Variants in TENM2 observed in about 807,000 individuals in gnomAD.
The protein encoded by TENM2 is teneurin transmembrane protein 2, also known as teneurin-2.
In TENM2, 52 loss-of-function variants were observed where a neutral mutation model predicts 245.2. The observed-to-expected ratio is 0.21, with a 90% CI of 0.17 to 0.27. TENM2 has a LOEUF of 0.27. TENM2 is among the 10% of genes least tolerant of loss of function. TENM2 has a pLI of 1.00. For missense variants in TENM2, 3,046 were observed against 3,666.8 expected (o/e 0.83, Z 4.37); for synonymous variants, 1,363 against 1,438.9 (o/e 0.95, Z 1.19).
chr5:167,503,410 G>A (rs185236214), intron 2 of TENM2, among the ~76,000 whole-genome samples: 20 of 152,170 alleles, frequency 1.3e-4, no homozygotes, highest in Non-Finnish European at 2.1e-4. Flanking sequence ...GTACGGGAGA[G>A]TGCAGAGAAA....
intron 2 of TENM2, among the ~76,000 whole-genome samples, chr5:167,513,574 T>G (rs1172292579): frequency 6.6e-6 from 1 of 152,180 alleles, no homozygotes; most frequent in East Asian, 1.9e-4. Context: ...GTCTTTGGTA[T>G]ACATGCCATT....
intron 2 of TENM2, among the ~76,000 whole-genome samples, chr5:167,376,191 A>G (rs193007353): frequency 1.3e-5 from 2 of 152,306 alleles, no homozygotes; most frequent in Admixed American, 1.3e-4. Context: ...GTCATTAAAG[A>G]GATAAGGTGC....
chr5:167,426,546 C>CAAAAAAAAA (rs59491444), intron 2 of TENM2, among the ~76,000 whole-genome samples: 2 of 102,254 alleles, frequency 2.0e-5, no homozygotes, highest in African/African-American at 3.4e-5. Context: ...CTTGCCTTTA[C>CAAAAAAAAA]AAAAAAAAAA....
intron 3 of TENM2, among the ~76,000 whole-genome samples, chr5:167,950,896 G>A (rs190890902): frequency 3.9e-5 from 6 of 152,290 alleles, no homozygotes; most frequent in Admixed American, 3.3e-4. Flanking sequence ...TTCATTTGGA[G>A]GACATGATTT....
At chr5:167,007,894 C>T in the TENM2 span, among the ~76,000 whole-genome samples, 1 of 152,112 alleles carries the variant, frequency 6.6e-6, no homozygotes, top group East Asian at 1.9e-4. The surrounding 1 kb of genome is among the most constrained non-coding windows in gnomAD (Gnocchi z 4.2). Context: ...TGGGGGCAGC[C>T]TGGAACAAAA....
In TENM2 at chr5:167,931,551, G is replaced by GAA. The variant is rs368486009; in HGVS notation, c.713-21018_713-21017dup. On this transcript the variant is annotated intron_variant, in intron 3 of 28. Transcript: ENST00000518659. ...GCACCCCAACCCCATAAACCCATTG[G>GAA]AAAAAAAAAAAAAAAAAAAACAAGA... Among the ~76,000 whole-genome samples, 366 of 110,328 alleles carry GAA rather than the reference G, an allele frequency of 3.3e-3. 17 individuals are homozygous for GAA. The East Asian group carries it at 0.038, about 11-fold the overall frequency. 72.4% of individuals were successfully genotyped at this position (110,328 alleles called of 152,430 possible). A position where few individuals can be genotyped will look rare whatever the true frequency, so the allele number is the denominator to read the frequency against.
chr5:166,988,931 C>T, the TENM2 span, among the ~76,000 whole-genome samples: 1 of 152,204 alleles, frequency 6.6e-6, no homozygotes, highest in Non-Finnish European at 1.5e-5. Context: ...AACTCCCTTT[C>T]TACTAGGCAG....
intron 2 of TENM2, among the ~76,000 whole-genome samples, chr5:167,607,080 C>A (rs1439876996): frequency 6.6e-6 from 1 of 152,018 alleles, no homozygotes; most frequent in African/African-American, 2.4e-5. Context: ...AGGGCCCAGG[C>A]AGGTCATATA....
chr5:167,720,003 G>GC (rs1017225496), intron 2 of TENM2, among the ~76,000 whole-genome samples: 1 of 152,120 alleles, frequency 6.6e-6, no homozygotes, highest in African/African-American at 2.4e-5. Context: ...AAGAGGGGGG[G>GC]GCTTGGGGAA....
chr5:167,522,389 A>G (rs114046848), intron 2 of TENM2, among the ~76,000 whole-genome samples: 3,705 of 152,140 alleles, frequency 0.024, 146 homozygotes, highest in East Asian at 0.2. Context: ...TATGAAAAAG[A>G]GGTTGGATGA....
intron 2 of TENM2, among the ~76,000 whole-genome samples, chr5:167,757,226 T>G (rs895181640): frequency 2.0e-5 from 3 of 151,944 alleles, no homozygotes; most frequent in African/African-American, 7.2e-5. Context: ...TTTCTCCTAA[T>G]GCTATCCCTC....
intron 1 of TENM2, among the ~76,000 whole-genome samples, chr5:167,298,282 G>A (rs1246871370): frequency 1.3e-5 from 2 of 152,132 alleles, no homozygotes; most frequent in African/African-American, 4.8e-5. Context: ...TATTGGTGAT[G>A]GCCTGGATAT....
At chr5:167,317,078 C>G (rs1756407279) in intron 1 of TENM2, among the ~76,000 whole-genome samples, 1 of 152,060 alleles carries the variant, frequency 6.6e-6, no homozygotes, top group South Asian at 2.1e-4. Flanking sequence ...ATCATTAACC[C>G]TTGACACTCA....
At chr5:167,692,138 T>C (rs961145919) in intron 2 of TENM2, among the ~76,000 whole-genome samples, 3 of 152,130 alleles carry the variant, frequency 2.0e-5, no homozygotes, top group Admixed American at 6.5e-5. Context: ...TCTACTTGCT[T>C]AGTGCTGGTC....
rs1769734043 is a variant in TENM2, at chr5:167,508,843, CAG to C, written c.502+133373_502+133374del. On this transcript the variant is annotated intron_variant, in intron 2 of 28. Transcript: ENST00000518659. ...ATCTTTTAATATACATTTTTTGAGA[CAG>C]AGTCTCATTCTGTCGCTCAGCTGGA... Among the ~76,000 whole-genome samples the C allele has an allele frequency of 2.6e-5, 4 of 152,194 alleles. No homozygotes were observed. In the South Asian group the frequency reaches 8.3e-4, roughly 32 times the overall value.
intron 2 of TENM2, among the ~76,000 whole-genome samples, chr5:167,434,871 T>C (rs1764449724): frequency 6.6e-6 from 1 of 152,204 alleles, no homozygotes; most frequent in African/African-American, 2.4e-5. Context: ...TTCTTTGACC[T>C]TATGGAAAAG....
chr5:167,030,601 C>T, the TENM2 span, among the ~76,000 whole-genome samples: 1 of 152,200 alleles, frequency 6.6e-6, no homozygotes, highest in South Asian at 2.1e-4. Flanking sequence ...TTGCTTTCTT[C>T]TGACATCTCT....
chr5:167,259,898 G>T, the TENM2 span, among the ~76,000 whole-genome samples: 1 of 152,118 alleles, frequency 6.6e-6, no homozygotes, highest in African/African-American at 2.4e-5. Flanking sequence ...ATTTCATTTG[G>T]AAGCACGGAA....
intron 2 of TENM2, among the ~76,000 whole-genome samples, chr5:167,549,113 A>G (rs1257098493): frequency 6.6e-6 from 1 of 152,170 alleles, no homozygotes; most frequent in Non-Finnish European, 1.5e-5. Context: ...TTGTGGTGGT[A>G]TATCAGCTCA....
Sources: gnomAD v4.1 joint callset for allele counts (sites outside exome capture counted in the v4.1 genomes callset) on GRCh38, gnomAD v4.1.1 for gene constraint, Gnocchi (gnomAD v3.1) non-coding constraint, MANE v1.5 for transcripts, NCBI Gene and HGNC (gene_info 2026-07-23, HGNC 2026-07-21) for gene names.